Variants in SMURF2 observed in about 807,000 individuals in gnomAD.
SMURF2 encodes the protein SMAD specific E3 ubiquitin protein ligase 2, also known as E3 ubiquitin-protein ligase SMURF2.
In SMURF2, 48 loss-of-function variants were observed where a neutral mutation model predicts 109.6. The ratio of observed to expected loss-of-function variants is 0.44; its 90% CI spans 0.35 to 0.56. The LOEUF is 0.56. Ranked by LOEUF, SMURF2 falls within the 20% of genes least tolerant of loss-of-function variation. The probability of loss-of-function intolerance (pLI) is 0.01; values close to 1 mark genes in which losing one functional copy is unlikely to be tolerated. For missense variants in SMURF2, 575 were observed against 909.0 expected (o/e 0.63, Z 4.72); for synonymous variants, 288 against 317.1 (o/e 0.91, Z 0.97).
chr17:64,661,764 A>C (rs1598323118), intron 1 of SMURF2, 65 bp downstream of exon 1: 2 of 1,161,792 alleles, frequency 1.7e-6, no homozygotes, highest in Non-Finnish European at 2.1e-6. Context: ...TCCCAAGGCC[A>C]CAGGCACCCC....
At chr17:64,616,839 C>T (rs1353339721) in intron 1 of SMURF2, among the ~76,000 whole-genome samples, 9 of 151,226 alleles carry the variant, frequency 6.0e-5, no homozygotes, top group African/African-American at 2.2e-4. Context: ...GACGTCTAGG[C>T]GGGCTGATGG....
chr17:64,651,298 G>A (rs375298570), intron 1 of SMURF2, among the ~76,000 whole-genome samples: 1 of 152,126 alleles, frequency 6.6e-6, no homozygotes, highest in East Asian at 1.9e-4. Flanking sequence ...ATAAAGCTGG[G>A]CGCGGTGGCT....
At chr17:64,638,496 C>G (rs1970452331) in intron 1 of SMURF2, among the ~76,000 whole-genome samples, 1 of 152,236 alleles carries the variant, frequency 6.6e-6, no homozygotes, top group African/African-American at 2.4e-5. Flanking sequence ...CCACCACGCT[C>G]AGCCTGTTGT....
chr17:64,561,846 C>CT (rs1444007705), intron 11 of SMURF2, among the ~76,000 whole-genome samples: 1 of 151,842 alleles, frequency 6.6e-6, no homozygotes, highest in African/African-American at 2.4e-5. Flanking sequence ...AAAGTTTTTT[C>CT]TTAAATAGCT....
At chr17:64,596,855 A>AT (rs1461771460) in intron 3 of SMURF2, among the ~76,000 whole-genome samples, 1 of 152,216 alleles carries the variant, frequency 6.6e-6, no homozygotes, top group Admixed American at 6.5e-5. Context: ...ATAACTTCTC[A>AT]TTTCTATCTA....
Position 64,545,735 on chromosome 17 carries a change from G to GAAA in SMURF2, c.*112_*113insTTT, listed in dbSNP as rs1568168119. The GAAA allele has an allele frequency of 2.2e-5, 2 of 91,792 alleles. No homozygotes were observed. Among genetic ancestry groups the GAAA allele is most frequent in the African/African-American group, 4.0e-4 (2 of 5,050 alleles). The allele number at this position is 91,792 out of a possible 1,614,324, so 5.7% of individuals were successfully genotyped here. On this transcript the variant is annotated 3_prime_UTR_variant, in exon 19 of 19. Transcript: ENST00000262435. ...AAAATGTAAAAAAAAAAAAAAAAAGGGGGGGGGGGGGAGTGTTTTCCTGTA... is the reference window on the plus strand; with the variant it reads ...AAAATGTAAAAAAAAAAAAAAAAAGGAAAGGGGGGGGGGGAGTGTTTTCCTGTA...
In SMURF2 at chr17:64,580,884, G is replaced by A. The variant is rs370672485; in HGVS notation, c.677C>T (p.Pro226Leu). The A allele has an allele frequency of 1.2e-5, 19 of 1,613,890 alleles. No homozygotes were observed. Among genetic ancestry groups the A allele is most frequent in the African/African-American group, 2.7e-5 (2 of 74,870 alleles). The change falls in exon 8 of 19, where the codon CCC becomes CTC. Residue 226 changes from proline to leucine, a missense_variant. This residue lies in a region of SMURF2 where 151 missense variants were observed against 178.4 expected (regional missense o/e 0.85). Coordinates refer to ENST00000262435, the MANE Select transcript of SMURF2 (RefSeq NM_022739.4). ...CCTGACTCTCCTCTCTGCCAGCCTG[G>A]GATCTGAAGACTGTCCACATGTTGC... ...NGATCGQSSD[P>L]RLAERRVRSQ...
At chr17:64,565,434 A>AG (rs1269579102) in intron 10 of SMURF2, among the ~76,000 whole-genome samples, 1 of 152,208 alleles carries the variant, frequency 6.6e-6, no homozygotes, top group African/African-American at 2.4e-5. Flanking sequence ...TTTTCTTGAA[A>AG]TCAAGTAGAT....
intron 1 of SMURF2, among the ~76,000 whole-genome samples, chr17:64,641,001 T>C (rs974330263): frequency 1.3e-5 from 2 of 151,880 alleles, no homozygotes; most frequent in Non-Finnish European, 2.9e-5. Flanking sequence ...TTCTTAACCC[T>C]GAATTATAAT....
intron 10 of SMURF2, 47 bp from the exon 11 acceptor site, chr17:64,563,013 A>T: frequency 6.8e-7 from 1 of 1,480,102 alleles, no homozygotes; most frequent in Non-Finnish European, 9.1e-7. Flanking sequence ...CAAATTTTAA[A>T]AATTGCAATT....
chr17:64,574,491 T>C (rs1358129919), intron 9 of SMURF2, among the ~76,000 whole-genome samples: 1 of 152,210 alleles, frequency 6.6e-6, no homozygotes, highest in Non-Finnish European at 1.5e-5. Flanking sequence ...TTAAATAAAG[T>C]TTGTTTTAAA....
rs192129408 is a variant in SMURF2 at position 64,583,660 on chromosome 17, T to C, written c.486-116A>G. On this transcript the variant is annotated intron_variant, in intron 6 of 18. Transcript: ENST00000262435. ...CGGGAATGCCAACCCGAAGTATCAA[T>C]TCACAGAATATATAATTTTTTCAAC... The C allele has an allele frequency of 5.7e-6, 4 of 696,122 alleles. No individual in the cohort carries two copies. The East Asian group carries it at 1.1e-4, about 18-fold the overall frequency. 43.1% of individuals were successfully genotyped at this position (696,122 alleles called of 1,614,324 possible).
At chr17:64,609,602 C>T (rs1970015554) in intron 1 of SMURF2, among the ~76,000 whole-genome samples, 1 of 149,626 alleles carries the variant, frequency 6.7e-6, no homozygotes, top group South Asian at 2.1e-4. Flanking sequence ...TCCTTCCTTA[C>T]ACCTTATACA....
intron 8 of SMURF2, 62 bp from the exon 9 acceptor site, chr17:64,578,638 T>C: frequency 9.3e-7 from 1 of 1,080,088 alleles, no homozygotes; most frequent in Non-Finnish European, 1.4e-6. Context: ...AAGACAGTTA[T>C]ATACACTAAG....
intron 1 of SMURF2, among the ~76,000 whole-genome samples, chr17:64,638,057 T>C (rs1970444634): frequency 1.5e-5 from 2 of 136,724 alleles, no homozygotes; most frequent in Admixed American, 7.3e-5. Context: ...TTTTTTTTCC[T>C]TTTTCTTTTT....
chr17:64,642,333 T>C (rs1341377947), intron 1 of SMURF2, among the ~76,000 whole-genome samples: 3 of 152,308 alleles, frequency 2.0e-5, no homozygotes, highest in Non-Finnish European at 2.9e-5. Flanking sequence ...CCTTATAATC[T>C]CTACAGATTC....
At chr17:64,556,884 G>A (rs572077017) in intron 13 of SMURF2, among the ~76,000 whole-genome samples, 4 of 152,030 alleles carry the variant, frequency 2.6e-5, no homozygotes, top group South Asian at 2.1e-4. Context: ...AGTAACACAC[G>A]CGCACGCACA....
intron 15 of SMURF2, among the ~76,000 whole-genome samples, chr17:64,554,602 G>A (rs1555683874): frequency 6.6e-6 from 1 of 152,154 alleles, no homozygotes; most frequent in African/African-American, 2.4e-5. Context: ...TGAGTGAAGA[G>A]GCCATCTTGG....
intron 8 of SMURF2, among the ~76,000 whole-genome samples, chr17:64,579,992 G>C (rs782441777): frequency 1.3e-5 from 2 of 152,188 alleles, no homozygotes; most frequent in Non-Finnish European, 2.9e-5. Context: ...ATTTGCAGAA[G>C]AGTTTTAAAA....
Sources: allele counts gnomAD v4.1 joint callset (sites outside exome capture counted in the v4.1 genomes callset), GRCh38; gene constraint gnomAD v4.1.1; regional missense constraint gnomAD v4.1.1; transcripts MANE v1.5; gene names NCBI Gene and HGNC (gene_info 2026-07-23, HGNC 2026-07-21).